Variants in ABCB9 observed in about 807,000 individuals in gnomAD.
ABCB9 encodes the protein ATP binding cassette subfamily B member 9.
Under a neutral mutation model 62.0 loss-of-function variants are expected in ABCB9, and 36 were observed. The ratio of observed to expected loss-of-function variants is 0.58; its 90% CI spans 0.45 to 0.77. ABCB9 has a LOEUF of 0.77. Among genes scored for constraint, ABCB9 ranks in the 30% least tolerant of loss-of-function variants. The pLI is 0.00. For missense variants in ABCB9, 943 were observed against 1,054.7 expected (o/e 0.89, Z 1.47); for synonymous variants, 435 against 461.4 (o/e 0.94, Z 0.73).
At position 122,948,610 on chromosome 12, in the gene ABCB9, C is replaced by G; in HGVS notation, c.1053+14G>C. 2 of 1,599,668 alleles carry G rather than the reference C, an allele frequency of 1.3e-6. No individual in the cohort carries two copies. Among genetic ancestry groups the G allele is most frequent in the Non-Finnish European group, 1.7e-6 (2 of 1,172,478 alleles). ...CAGGGTGCACAGTCCCCAGCAGAGA[C>G]AGGGCAGGCCTACCTTGTAGTACTT... On this transcript the variant is annotated intron_variant, in intron 5 of 11. Transcript: ENST00000280560.
rs943838225 is a variant in ABCB9 at position 122,964,523 on chromosome 12, G to A, written c.-88+1764C>T. 1.3e-5 allele frequency among the ~76,000 whole-genome samples: 2 copies of A among 152,214 alleles called. No homozygotes were observed. Among genetic ancestry groups the A allele is most frequent in the African/African-American group, 2.4e-5 (1 of 41,450 alleles). The stretch of plus-strand genomic sequence containing the variant: ...CCTTCTACCACAGACTCCTAGCAGA[G>A]TGGACTCCAGCCCCGGGTCGGGTTA... On this transcript the variant is annotated intron_variant, in intron 1 of 11. Transcript: ENST00000280560. This position sits in a 1 kb window ranked among gnomAD's most constrained non-coding sequence, Gnocchi z 4.7.
rs544379810 is a variant in ABCB9, at chr12:122,930,210, C to A, written c.2041-39G>T. On this transcript the variant is annotated intron_variant, in intron 11 of 11. Transcript: ENST00000280560. This position sits in a 1 kb window ranked among gnomAD's most constrained non-coding sequence, Gnocchi z 4.9. ...GGGGGCCTGGCTTGCATGGCACGGA[C>A]GCCCCACCCGCAACCGTGCTTCATG... The A allele has an allele frequency of 2.7e-6, 4 of 1,502,120 alleles. No individual in the cohort carries two copies. Among genetic ancestry groups the A allele is most frequent in the Admixed American group, 4.1e-5 (2 of 49,216 alleles). The allele number at this position is 1,502,120 out of a possible 1,614,324, so 93.0% of individuals were successfully genotyped here.
chr12:122,949,983 C>T, intron 3 of ABCB9, 65 bp from the exon 4 acceptor site: 1 of 1,600,534 alleles, frequency 6.2e-7, no homozygotes, highest in Non-Finnish European at 8.5e-7. Flanking sequence ...ACCCGGCTGC[C>T]CCCTCCCGCT....
chr12:122,947,113 T>A lies in ABCB9; in HGVS notation c.1054-891A>T, dbSNP rs1188553343. The stretch of plus-strand genomic sequence containing the variant: ...GTGGAAAACCCAAACAGAGCCTTCC[T>A]GAGGCCTCCCTTAGCTGAACTAAAA... On this transcript the variant is annotated intron_variant, in intron 5 of 11. Transcript: ENST00000280560. This position sits in a 1 kb window ranked among gnomAD's most constrained non-coding sequence, Gnocchi z 6.0. Among the ~76,000 whole-genome samples the A allele has an allele frequency of 2.0e-5, 3 of 152,180 alleles. No individual in the cohort carries two copies. The highest frequency in any genetic ancestry group is 4.4e-5 in the Non-Finnish European group (3 of 68,036).
chr12:122,932,335 G>T lies in ABCB9; in HGVS notation c.1904-7C>A. The T allele has an allele frequency of 6.5e-7, 1 of 1,548,546 alleles. No individual in the cohort carries two copies. Among genetic ancestry groups the T allele is most frequent in the Non-Finnish European group, 8.7e-7 (1 of 1,145,172 alleles). On this transcript the variant is annotated splice_polypyrimidine_tract_variant and splice_region_variant and intron_variant, in intron 10 of 11. Transcript: ENST00000280560. The surrounding 1 kb of genome is among the most constrained non-coding windows in gnomAD (Gnocchi z 4.7). Reference sequence around the variant, plus strand: ...GCGCCCTTCTCCCCTGTCTCTGTATGGTGGAGGCACAGAGACAATTTAGCA... The same window carrying T: ...GCGCCCTTCTCCCCTGTCTCTGTATTGTGGAGGCACAGAGACAATTTAGCA...
Position 122,930,409 on chromosome 12 carries a change from C to G in ABCB9, c.2041-238G>C, listed in dbSNP as rs79833632. Among the ~76,000 whole-genome samples the G allele has an allele frequency of 6.7e-6, 1 of 150,112 alleles. No homozygotes were observed. Among genetic ancestry groups the G allele is most frequent in the East Asian group, 1.9e-4 (1 of 5,164 alleles). On this transcript the variant is annotated intron_variant, in intron 11 of 11. Coordinates refer to ENST00000280560, the MANE Select transcript of ABCB9 (RefSeq NM_019625.4). The surrounding 1 kb of genome is among the most constrained non-coding windows in gnomAD (Gnocchi z 4.9). ...CAGTCTTCTGGTCCTTCCCTTCCCC[C>G]TCCTTTTTTTTTTTTTTTTTTTTTA...
chr12:122,919,817 G>A (rs1161209269), downstream of ABCB9, among the ~76,000 whole-genome samples: 3 of 152,060 alleles, frequency 2.0e-5, no homozygotes, highest in African/African-American at 7.2e-5. Flanking sequence ...ATAATGTGAG[G>A]CACTGTCACT....
intron 10 of ABCB9, among the ~76,000 whole-genome samples, chr12:122,933,345 G>A (rs2035291323): frequency 6.6e-6 from 1 of 152,204 alleles, no homozygotes; most frequent in Non-Finnish European, 1.5e-5. Context: ...ACAAGGTCAG[G>A]AGATTGAGAC....
rs374830391 is a variant in ABCB9 at position 122,959,715 on chromosome 12, A to G, written c.521T>C (p.Leu174Pro). Residue 174 changes from leucine (L) to proline (P), a missense_variant, in exon 2 of 12, where the codon CTG becomes CCG. By Grantham distance (98) the Leu-to-Pro change is moderately conservative. Transcript: ENST00000280560. This position sits in a 1 kb window ranked among gnomAD's most constrained non-coding sequence, Gnocchi z 5.4. ...PPPEQASGAT[L>P]QKLLSYTKPD... ...CTTGGTGTAGGAGAGCAGCTTCTGC[A>G]GCGTGGCCCCAGACGCCTGCTCGGG... 2.5e-6 allele frequency: 4 copies of G among 1,610,112 alleles called. No homozygotes were observed. The highest frequency in any genetic ancestry group is 1.3e-5 in the African/African-American group (1 of 74,844).
At chr12:122,928,055 A>G (rs2034956545), downstream of ABCB9, among the ~76,000 whole-genome samples, 1 of 152,126 alleles carries the variant, frequency 6.6e-6, no homozygotes, top group African/African-American at 2.4e-5. Context: ...CAAACCCCTG[A>G]ACCTGTGAAG....
At position 122,960,284 on chromosome 12, in the gene ABCB9, G is replaced by T. The variant is rs756362052; in HGVS notation, c.-49C>A. 1 of 1,577,848 alleles carries T rather than the reference G, an allele frequency of 6.3e-7. No individual in the cohort carries two copies. Among genetic ancestry groups the T allele is most frequent in the African/African-American group, 1.3e-5 (1 of 74,642 alleles). ...TGCTGAAGGCCAGGTTGTAGCTCAC[G>T]GGGGCAAGGCCATCATCATCCACAG... On this transcript the variant is annotated 5_prime_UTR_variant, in exon 2 of 12. Coordinates refer to ENST00000280560, the MANE Select transcript of ABCB9 (RefSeq NM_019625.4).
Position 122,944,485 on chromosome 12 carries a change from T to C in ABCB9, c.1286A>G (p.Tyr429Cys). The part of the protein sequence containing the change: ...TLLVVQVSIL[Y>C]YGGHLVISGQ... ...TGAGATGACAAGGTGGCCCCCGTAGTAGAGGATGCTGACCTGGACCACCAG... is the reference window on the plus strand; with the variant it reads ...TGAGATGACAAGGTGGCCCCCGTAGCAGAGGATGCTGACCTGGACCACCAG... The change falls in exon 7 of 12, where the codon TAC (tyrosine) becomes TGC (cysteine). Residue 429 changes from tyrosine to cysteine, a missense_variant. Coordinates refer to ENST00000280560, the MANE Select transcript of ABCB9 (RefSeq NM_019625.4). This position sits in a 1 kb window ranked among gnomAD's most constrained non-coding sequence, Gnocchi z 4.9. 6.2e-7 allele frequency: 1 copy of C among 1,613,952 alleles called. No individual in the cohort carries two copies. Among genetic ancestry groups the C allele is most frequent in the South Asian group, 1.1e-5 (1 of 91,086 alleles).
In ABCB9 at chr12:122,964,908, T is replaced by C. The variant is rs774630795; in HGVS notation, c.-88+1379A>G. 1.3e-5 allele frequency among the ~76,000 whole-genome samples: 2 copies of C among 152,054 alleles called. No homozygotes were observed. Among genetic ancestry groups the C allele is most frequent in the Non-Finnish European group, 2.9e-5 (2 of 67,988 alleles). ...GCTTTTCTTCCCAGGGTAGGAGACATTGGTTGGGGTATCTCTAGGCATCAG... is the reference window on the plus strand; with the variant it reads ...GCTTTTCTTCCCAGGGTAGGAGACACTGGTTGGGGTATCTCTAGGCATCAG... On this transcript the variant is annotated intron_variant, in intron 1 of 11. Coordinates refer to ENST00000280560, the MANE Select transcript of ABCB9 (RefSeq NM_019625.4). The surrounding 1 kb of genome is among the most constrained non-coding windows in gnomAD (Gnocchi z 4.7).
intron 1 of ABCB9, among the ~76,000 whole-genome samples, chr12:122,965,551 G>C (rs960346660): frequency 6.6e-6 from 1 of 152,138 alleles, no homozygotes; most frequent in Non-Finnish European, 1.5e-5. Context: ...TGGGACTTGA[G>C]AAGCTGTCTC....
chr12:122,933,545 C>T (rs899309235), intron 10 of ABCB9, among the ~76,000 whole-genome samples: 2 of 151,186 alleles, frequency 1.3e-5, no homozygotes, highest in Non-Finnish European at 2.9e-5. Context: ...CAGAGCGAGA[C>T]TCCATCTCAA....
intron 9 of ABCB9, 167 bp downstream of exon 9, chr12:122,939,944 G>A (rs936894785): frequency 1.4e-5 from 14 of 986,180 alleles, no homozygotes; most frequent in Middle Eastern, 3.3e-4. Flanking sequence ...GAGCCACCAC[G>A]TCTGGACAAG....
intron 6 of ABCB9, 35 bp downstream of exon 6, chr12:122,945,990 T>C: frequency 6.3e-7 from 1 of 1,588,280 alleles, no homozygotes; most frequent in African/African-American, 1.4e-5. Context: ...ATCCCATCCC[T>C]CCACAGCCAG....
chr12:122,923,357 C>T (rs1315044457), intron 11 of ABCB9, among the ~76,000 whole-genome samples: 1 of 152,136 alleles, frequency 6.6e-6, no homozygotes, highest in Non-Finnish European at 1.5e-5. Flanking sequence ...GCGCGACCTC[C>T]ACGCACTGCA....
Position 122,959,684 on chromosome 12 carries a change from G to A in ABCB9, c.552C>T (p.Asp184=), listed in dbSNP as rs369754637. The A allele has an allele frequency of 2.1e-5, 33 of 1,591,584 alleles. No individual in the cohort carries two copies. The South Asian group carries it at 2.5e-4, about 12-fold the overall frequency. ...AGGAGGCGGCCACGAGGAAGGCCAC[G>A]TCGGGCTTGGTGTAGGAGAGCAGCT... ...LQKLLSYTKP[D]VAFLVAASFF... The change falls in exon 2 of 12, where the codon GAC becomes GAT. Residue 184 remains aspartate, a synonymous_variant. Coordinates refer to ENST00000280560, the MANE Select transcript of ABCB9 (RefSeq NM_019625.4). The surrounding 1 kb of genome is among the most constrained non-coding windows in gnomAD (Gnocchi z 5.4).
Sources: gnomAD v4.1 joint callset for allele counts (sites outside exome capture counted in the v4.1 genomes callset) on GRCh38, gnomAD v4.1.1 for gene constraint, Gnocchi (gnomAD v3.1) non-coding constraint, MANE v1.5 for transcripts, NCBI Gene and HGNC (gene_info 2026-07-23, HGNC 2026-07-21) for gene names.